Variants in ZFAND3 observed in about 807,000 individuals in gnomAD.
The protein encoded by ZFAND3 is AN1-type zinc finger protein 3.
Under a neutral mutation model 29.6 loss-of-function variants are expected in ZFAND3, and 10 were observed. That is an observed-to-expected ratio of 0.34 (90% CI 0.21 to 0.57). ZFAND3 has a LOEUF of 0.57. Among genes scored for constraint, ZFAND3 ranks in the 20% least tolerant of loss-of-function variants. The probability of loss-of-function intolerance (pLI) is 0.86; values close to 1 mark genes in which losing one functional copy is unlikely to be tolerated. For missense variants in ZFAND3, 230 were observed against 304.5 expected (o/e 0.76, Z 1.82); for synonymous variants, 128 against 112.6 (o/e 1.14, Z -0.87).
chr6:37,952,370 C>T (rs748312219), intron 2 of ZFAND3, among the ~76,000 whole-genome samples: 3 of 152,100 alleles, frequency 2.0e-5, no homozygotes, highest in South Asian at 4.1e-4. Flanking sequence ...ATTACAGATT[C>T]AATTTCGGAA....
At chr6:38,099,939 A>T (rs1476813081) in intron 4 of ZFAND3, among the ~76,000 whole-genome samples, 2 of 152,254 alleles carry the variant, frequency 1.3e-5, no homozygotes, top group African/African-American at 4.8e-5. Context: ...ACCATTTTGA[A>T]TGAGAGGTGT....
intron 1 of ZFAND3, among the ~76,000 whole-genome samples, chr6:37,925,681 G>T (rs1270630796): frequency 1.4e-5 from 2 of 143,864 alleles, no homozygotes; most frequent in African/African-American, 2.6e-5. Flanking sequence ...TCCAGCCTGG[G>T]CAACAGAGCT....
intron 4 of ZFAND3, among the ~76,000 whole-genome samples, chr6:38,112,440 A>T (rs765853284): frequency 6.7e-6 from 1 of 150,370 alleles, no homozygotes; most frequent in Non-Finnish European, 1.5e-5. Flanking sequence ...GCTGCTTCTG[A>T]CAGTTAAAGC....
At chr6:38,083,433 T>G (rs2127471354) in intron 4 of ZFAND3, among the ~76,000 whole-genome samples, 1 of 152,212 alleles carries the variant, frequency 6.6e-6, no homozygotes, top group South Asian at 2.1e-4. Context: ...TGTGCCCGGT[T>G]CCCAAGCTCC....
At chr6:38,033,594 T>A (rs971695809) in intron 2 of ZFAND3, among the ~76,000 whole-genome samples, 2 of 152,228 alleles carry the variant, frequency 1.3e-5, no homozygotes. Flanking sequence ...GAAAAGATTA[T>A]TCACCTTTCC....
intron 5 of ZFAND3, among the ~76,000 whole-genome samples, chr6:38,122,151 A>G (rs964971717): frequency 6.6e-6 from 1 of 152,118 alleles, no homozygotes; most frequent in African/African-American, 2.4e-5. Flanking sequence ...GTCCCCTGGT[A>G]TCTGCGGGGA....
At chr6:37,907,997 T>C (rs976176672) in intron 1 of ZFAND3, among the ~76,000 whole-genome samples, 2 of 152,186 alleles carry the variant, frequency 1.3e-5, no homozygotes, top group Non-Finnish European at 2.9e-5. Flanking sequence ...TACTTTATAG[T>C]CCATATTGAA....
intron 1 of ZFAND3, among the ~76,000 whole-genome samples, chr6:37,899,466 G>A (rs1387938342): frequency 1.3e-5 from 2 of 151,994 alleles, no homozygotes; most frequent in Admixed American, 6.6e-5. Context: ...GTTAAAATGT[G>A]CCCAGCCTGT....
chr6:37,887,254 A>G (rs1013221912), intron 1 of ZFAND3, among the ~76,000 whole-genome samples: 61 of 152,310 alleles, frequency 4.0e-4, no homozygotes, highest in African/African-American at 1.3e-3. Flanking sequence ...TCTTGTAAAA[A>G]CACATCAGAG....
chr6:37,915,034 C>T (rs147936665), intron 1 of ZFAND3, among the ~76,000 whole-genome samples: 38 of 152,048 alleles, frequency 2.5e-4, no homozygotes, highest in Non-Finnish European at 4.1e-4. Context: ...AGTGTAGCTA[C>T]CTTCATTTTA....
chr6:38,067,210 T>A (rs1282543401), intron 3 of ZFAND3, among the ~76,000 whole-genome samples: 1 of 152,220 alleles, frequency 6.6e-6, no homozygotes, highest in Non-Finnish European at 1.5e-5. Flanking sequence ...TGGCCCTCCA[T>A]ATATGTGGGC....
In ZFAND3 at chr6:38,025,136, G is replaced by A. The variant is rs189615226; in HGVS notation, c.113-36457G>A. Among the ~76,000 whole-genome samples the A allele has an allele frequency of 2.3e-3, 343 of 152,156 alleles. 3 individuals carry two copies. The highest frequency in any genetic ancestry group is 3.4e-3 in the Middle Eastern group (1 of 294). On this transcript the variant is annotated intron_variant, in intron 2 of 5. Transcript: ENST00000287218. ...TTGGATCCATTCATTACATTCCTTTGTTTTAGAAATATGTTTCCATTTTCT... is the reference window on the plus strand; with the variant it reads ...TTGGATCCATTCATTACATTCCTTTATTTTAGAAATATGTTTCCATTTTCT...
intron 2 of ZFAND3, among the ~76,000 whole-genome samples, chr6:38,019,470 A>G (rs1453369748): frequency 1.3e-5 from 2 of 152,134 alleles, no homozygotes; most frequent in Non-Finnish European, 2.9e-5. Context: ...GTGTGTTGCA[A>G]ATATTTTCTC....
intron 2 of ZFAND3, among the ~76,000 whole-genome samples, chr6:37,962,493 G>T (rs1762214861): frequency 6.6e-6 from 1 of 152,224 alleles, no homozygotes; most frequent in Non-Finnish European, 1.5e-5. Flanking sequence ...CATGTGAGAG[G>T]TGAAGCCGGC....
At chr6:37,991,730 A>G (rs187046905) in intron 2 of ZFAND3, among the ~76,000 whole-genome samples, 36 of 152,296 alleles carry the variant, frequency 2.4e-4, no homozygotes, top group Admixed American at 8.5e-4. Flanking sequence ...TTAAGTATTC[A>G]TTTAGCAAAT....
At chr6:37,852,459 A>G (rs546182471) in intron 1 of ZFAND3, among the ~76,000 whole-genome samples, 13 of 151,914 alleles carry the variant, frequency 8.6e-5, no homozygotes, top group East Asian at 3.9e-4. Flanking sequence ...GCCTGGCTCC[A>G]TAAGTCTACC....
rs12660922 is a variant in ZFAND3 at position 37,953,740 on chromosome 6, T to C, written c.112+23741T>C. Among the ~76,000 whole-genome samples the C allele has an allele frequency of 0.017, 2,588 of 152,214 alleles. 255 individuals carry two copies. The East Asian group carries it at 0.28, about 16-fold the overall frequency. Reference sequence around the variant, plus strand: ...GTCCTGGGATTACAGTCGTGAGTCATCACCCCTGGACTATAGTCAATTATC... The same window carrying C: ...GTCCTGGGATTACAGTCGTGAGTCACCACCCCTGGACTATAGTCAATTATC... On this transcript the variant is annotated intron_variant, in intron 2 of 5. Coordinates refer to ENST00000287218, the MANE Select transcript of ZFAND3 (RefSeq NM_021943.3).
At chr6:38,053,340 G>A (rs543271659) in intron 2 of ZFAND3, among the ~76,000 whole-genome samples, 1 of 143,886 alleles carries the variant, frequency 6.9e-6, no homozygotes, top group Non-Finnish European at 1.5e-5. Flanking sequence ...TGGTTGCTTT[G>A]TGGAGAGTAG....
chr6:38,144,206 T>TA (rs1562016004), intron 5 of ZFAND3, among the ~76,000 whole-genome samples: 481 of 44,220 alleles, frequency 0.011, 11 homozygotes, highest in African/African-American at 0.056. Context: ...TATATATATA[T>TA]ATATAATATA....
Sources: allele counts gnomAD v4.1 joint callset (sites outside exome capture counted in the v4.1 genomes callset), GRCh38; gene constraint gnomAD v4.1.1; transcripts MANE v1.5; gene names NCBI Gene and HGNC (gene_info 2026-07-23, HGNC 2026-07-21).